Variants in KNDC1 observed in about 807,000 individuals in gnomAD.
The protein encoded by KNDC1 is kinase non-catalytic C-lobe domain containing 1.
A neutral mutation model predicts 172.8 loss-of-function variants in KNDC1; 106 were observed. That is an observed-to-expected ratio of 0.61 (90% confidence interval 0.52 to 0.72). The LOEUF is 0.72. Ranked by LOEUF, KNDC1 falls within the 30% of genes least tolerant of loss-of-function variation. The pLI, the probability that KNDC1 is intolerant of heterozygous loss-of-function variation, is 0.00. For synonymous variants in KNDC1, 1,083 were observed against 1,062.2 expected (o/e 1.02, Z -0.38); for missense variants, 2,325 against 2,394.5 (o/e 0.97, Z 0.61).
Position 133,225,523 on chromosome 10 carries a change from G to A in KNDC1, c.*633G>A, listed in dbSNP as rs987514798. 1 of 153,632 alleles carries A rather than the reference G, an allele frequency of 6.5e-6. No individual in the cohort carries two copies. The highest frequency in any genetic ancestry group is 6.5e-5 in the Admixed American group (1 of 15,372). 9.5% of individuals were successfully genotyped at this position (153,632 alleles called of 1,614,324 possible). The stretch of plus-strand genomic sequence containing the variant: ...CCCAGGTGCCCAAGGCCTGCTGCTG[G>A]AGCAGGCACCTTGGGCTGGGCCTGC... On this transcript the variant is annotated 3_prime_UTR_variant, in exon 30 of 30. Transcript: ENST00000304613.
chr10:133,189,490 AGGCTGGGG>A, intron 7 of KNDC1, 100 bp from the exon 8 acceptor site: 1 of 1,050,100 alleles, frequency 9.5e-7, no homozygotes, highest in Non-Finnish European at 1.4e-6. Context: ...TGCAATGGGG[AGGCTGGGG>A]GGCTGCCCGG....
At chr10:133,166,116 G>A (rs948478501) in intron 1 of KNDC1, among the ~76,000 whole-genome samples, 7 of 152,176 alleles carry the variant, frequency 4.6e-5, no homozygotes, top group East Asian at 1.9e-4. Flanking sequence ...AGTGCCAGCC[G>A]CTGGGGCAGG....
chr10:133,170,922 C>T (rs1253354517), intron 3 of KNDC1, among the ~76,000 whole-genome samples: 3 of 152,022 alleles, frequency 2.0e-5, no homozygotes, highest in Non-Finnish European at 2.9e-5. Flanking sequence ...AATGCCGTCT[C>T]GGCATCATTA....
In KNDC1 at chr10:133,189,640, C is replaced by T; in HGVS notation, c.1484C>T (p.Ala495Val). 6.2e-7 allele frequency: 1 copy of T among 1,613,854 alleles called. No individual in the cohort carries two copies. Among genetic ancestry groups the T allele is most frequent in the Non-Finnish European group, 8.5e-7 (1 of 1,179,984 alleles). Residue 495 changes from alanine to valine, a missense_variant, in exon 8 of 30, where the codon GCT becomes GTT. Transcript: ENST00000304613. ...TCCGTGCTGGTTGCTGAGGACGGGG[C>T]TGTGCTCTTCCAGCCACCCCCTGCC... ...LDSVLVAEDG[A>V]VLFQPPPANG...
chr10:133,200,481 G>A (rs747492177), intron 16 of KNDC1, 21 bp downstream of exon 16: 23 of 1,498,110 alleles, frequency 1.5e-5, no homozygotes, highest in South Asian at 9.2e-5. Flanking sequence ...GGCGGGCCCC[G>A]CGGCAGGAGC....
chr10:133,189,170 G>C (rs72859885), intron 7 of KNDC1, among the ~76,000 whole-genome samples: 268 of 152,294 alleles, frequency 1.8e-3, no homozygotes, highest in Non-Finnish European at 3.3e-3. Context: ...AAACGTCCTG[G>C]GGGTGATGAG....
chr10:133,177,032 C>G (rs1853555449), intron 3 of KNDC1, among the ~76,000 whole-genome samples: 1 of 152,196 alleles, frequency 6.6e-6, no homozygotes, highest in South Asian at 2.1e-4. Flanking sequence ...GGCAGCTGAC[C>G]CAGCCCACAG....
At chr10:133,180,888 C>T (rs973692139) in intron 3 of KNDC1, among the ~76,000 whole-genome samples, 2 of 152,234 alleles carry the variant, frequency 1.3e-5, no homozygotes, top group Non-Finnish European at 2.9e-5. Flanking sequence ...ATTAACTCGA[C>T]GAGTGAGTTT....
rs1845301154 is a variant in KNDC1, at chr10:133,209,303, T to G, written c.3795-1308T>G. On this transcript the variant is annotated intron_variant, in intron 20 of 29. Coordinates refer to ENST00000304613, the MANE Select transcript of KNDC1 (RefSeq NM_152643.8). This position sits in a 1 kb window ranked among gnomAD's most constrained non-coding sequence, Gnocchi z 4.9. ...TGTGTGGAGTATAGTGTGTGTGGTG[T>G]GGGGTACAGTGTGTGTGTGCACGTG... 6.8e-6 allele frequency among the ~76,000 whole-genome samples: 1 copy of G among 147,998 alleles called. No homozygotes were observed. Among genetic ancestry groups the G allele is most frequent in the Non-Finnish European group, 1.5e-5 (1 of 67,048 alleles).
chr10:133,212,670 A>G (rs913604792), intron 23 of KNDC1, 46 bp from the exon 24 acceptor site: 1 of 1,553,130 alleles, frequency 6.4e-7, no homozygotes, highest in Non-Finnish European at 8.8e-7. Context: ...CCTGACCCAG[A>G]GGGGACACGG....
intron 20 of KNDC1, among the ~76,000 whole-genome samples, chr10:133,210,341 G>C (rs1845333727): frequency 7.4e-6 from 1 of 135,876 alleles, no homozygotes; most frequent in Non-Finnish European, 1.5e-5. Flanking sequence ...ACTCCAGCCT[G>C]GGCGACAAGA....
At chr10:133,180,410 G>A (rs895798513) in intron 3 of KNDC1, among the ~76,000 whole-genome samples, 7 of 152,268 alleles carry the variant, frequency 4.6e-5, no homozygotes, top group African/African-American at 9.6e-5. Flanking sequence ...GAGGCTCCGC[G>A]GCTGCAAGGA....
At position 133,224,821 on chromosome 10, in the gene KNDC1, G is replaced by C; in HGVS notation, c.5181G>C (p.Gln1727His). 1 of 1,614,124 alleles carries C rather than the reference G, an allele frequency of 6.2e-7. No individual in the cohort carries two copies. Among genetic ancestry groups the C allele is most frequent in the African/African-American group, 1.3e-5 (1 of 75,058 alleles). Residue 1727 changes from glutamine to histidine, a missense_variant, in exon 30 of 30, where the codon CAG (glutamine) becomes CAC (histidine). Transcript: ENST00000304613. The surrounding 1 kb of genome is among the most constrained non-coding windows in gnomAD (Gnocchi z 5.4). Reference sequence around the variant, plus strand: ...CAGATAGCAGGGCCAACTTCCACCAGGTCTCCAGCGAGAAGCACTCACGGA... The same window carrying C: ...CAGATAGCAGGGCCAACTTCCACCACGTCTCCAGCGAGAAGCACTCACGGA... The part of the protein sequence containing the change: ...LAADSRANFH[Q>H]VSSEKHSRKI...
chr10:133,198,850 C>T lies in KNDC1; in HGVS notation c.2342C>T (p.Pro781Leu), dbSNP rs1854275685. ...GCCTCATCGGCAGCTCCCGGCTCTC[C>T]AGTCCCCGCCCCGCCCACGAAGGCA... ...EGASSAAPGS[P>L]VPAPPTKASA... The change falls in exon 14 of 30, where the codon CCA becomes CTA. Residue 781 changes from proline to leucine, a missense_variant. Physicochemically the swap from Pro to Leu is moderately conservative, Grantham distance 98. Transcript: ENST00000304613. 1.3e-6 allele frequency: 2 copies of T among 1,599,210 alleles called. No homozygotes were observed. The highest frequency in any genetic ancestry group is 2.3e-5 in the East Asian group (1 of 44,386).
rs758191586 is a variant in KNDC1, at chr10:133,207,119, C to T, written c.3580-18C>T. 22 of 1,569,088 alleles carry T rather than the reference C, an allele frequency of 1.4e-5. No homozygotes were observed. The highest frequency in any genetic ancestry group is 8.0e-5 in the South Asian group (7 of 87,052). ...GCGAGGGGCAGAGTGACCAAGCGCC[C>T]GTGTCCCGCTCCGGCAGGTCATGTA... is the stretch of plus-strand genomic sequence containing the variant. On this transcript the variant is annotated intron_variant, in intron 19 of 29. Transcript: ENST00000304613.
chr10:133,224,659 G>A lies in KNDC1; in HGVS notation c.5019G>A (p.Arg1673=), dbSNP rs931449468. 1 of 1,613,486 alleles carries A rather than the reference G, an allele frequency of 6.2e-7. No homozygotes were observed. The change falls in exon 30 of 30, where the codon AGG becomes AGA. Residue 1673 remains arginine, a splice_region_variant and synonymous_variant. Transcript: ENST00000304613. The surrounding 1 kb of genome is among the most constrained non-coding windows in gnomAD (Gnocchi z 5.4). ...ACGTCTCTTCTTTCCTCAACGGAAG[G>A]AACATCGCAAAGGTGGTGAGCCAGG... The part of the protein sequence containing the change: ...TNGAHRWSKL[R]NIAKVVSQVH...
intron 26 of KNDC1, among the ~76,000 whole-genome samples, chr10:133,215,227 C>G (rs1220195180): frequency 6.6e-6 from 1 of 152,230 alleles, no homozygotes; most frequent in Non-Finnish European, 1.5e-5. Flanking sequence ...CACTGCCGTC[C>G]CTGCTGCTGT....
rs1281722799 is a variant in KNDC1, at chr10:133,211,580, C to T, written c.4056+11C>T. ...TTCATCTCCTCCAAGGTGACAGTGGCGCTGAGCTGGGCGGCCGCACCCGGG... is the reference window on the plus strand; with the variant it reads ...TTCATCTCCTCCAAGGTGACAGTGGTGCTGAGCTGGGCGGCCGCACCCGGG... On this transcript the variant is annotated intron_variant, in intron 22 of 29. Transcript: ENST00000304613. The T allele has an allele frequency of 1.2e-5, 20 of 1,610,740 alleles. 1 individual carries two copies. Among genetic ancestry groups the T allele is most frequent in the South Asian group, 1.2e-4 (11 of 90,918 alleles).
intron 5 of KNDC1, among the ~76,000 whole-genome samples, 160 bp downstream of exon 5, chr10:133,184,149 ATGCACACACAC>A (rs1394445733): frequency 1.2e-4 from 18 of 147,078 alleles, no homozygotes; most frequent in Non-Finnish European, 1.9e-4. Flanking sequence ...ACACACACCC[ATGCACACACAC>A]TGCACACACA....
Sources: gnomAD v4.1 joint callset for allele counts (sites outside exome capture counted in the v4.1 genomes callset) on GRCh38, gnomAD v4.1.1 for gene constraint, Gnocchi (gnomAD v3.1) non-coding constraint, MANE v1.5 for transcripts, NCBI Gene and HGNC (gene_info 2026-07-23, HGNC 2026-07-21) for gene names.